The following ADGRL2 variants were observed in gnomAD, a reference collection of about 807,000 sequenced individuals.
The protein encoded by ADGRL2 is calcium-independent alpha-latrotoxin receptor 2.
In ADGRL2, 44 loss-of-function variants were observed where a neutral mutation model predicts 157.4. That is an observed-to-expected ratio of 0.28 (90% CI 0.22 to 0.36). The LOEUF is 0.36. Among genes scored for constraint, ADGRL2 ranks in the 10% least tolerant of loss-of-function variants. The probability of loss-of-function intolerance (pLI) is 1.00; values close to 1 mark genes in which losing one functional copy is unlikely to be tolerated. For missense variants in ADGRL2, 1,510 were observed against 1,768.9 expected, an observed-to-expected ratio of 0.85 and a Z score of 2.63; for synonymous variants, 585 against 624.7, an observed-to-expected ratio of 0.94 and a Z score of 0.95.
chr1:81,970,042 A>G (rs1201626881), intron 15 of ADGRL2, among the ~76,000 whole-genome samples: 1 of 152,106 alleles, frequency 6.6e-6, no homozygotes, highest in Non-Finnish European at 1.5e-5. Context: ...TTGATATTTA[A>G]TTTCACTAAA....
At chr1:81,889,836 C>T (rs2094215220) in intron 2 of ADGRL2, among the ~76,000 whole-genome samples, 1 of 152,124 alleles carries the variant, frequency 6.6e-6, no homozygotes, top group Non-Finnish European at 1.5e-5. Flanking sequence ...ATTCATTTAC[C>T]ATTTCAAAAA....
intron 2 of ADGRL2, among the ~76,000 whole-genome samples, chr1:81,480,576 A>T (rs1158978775): frequency 6.6e-6 from 1 of 152,240 alleles, no homozygotes; most frequent in Non-Finnish European, 1.5e-5. Context: ...AAATTATACA[A>T]GATATAGCTG....
intron 1 of ADGRL2, among the ~76,000 whole-genome samples, chr1:81,417,783 A>T (rs1216722069): frequency 1.3e-5 from 2 of 152,144 alleles, no homozygotes; most frequent in African/African-American, 4.8e-5. Flanking sequence ...AATCTTTTCT[A>T]ATTTGAATAT....
intron 2 of ADGRL2, among the ~76,000 whole-genome samples, chr1:81,863,057 C>T (rs528857528): frequency 6.8e-4 from 103 of 152,128 alleles, no homozygotes; most frequent in African/African-American, 2.5e-3. Flanking sequence ...TTTTTAAAGA[C>T]AAGGGTTTTT....
At chr1:81,538,806 A>T (rs1570432241) in intron 2 of ADGRL2, among the ~76,000 whole-genome samples, 1 of 152,088 alleles carries the variant, frequency 6.6e-6, no homozygotes, top group South Asian at 2.1e-4. Context: ...GGAGTTCAAG[A>T]CCAGCCTTGG....
intron 2 of ADGRL2, among the ~76,000 whole-genome samples, chr1:81,512,400 A>G (rs954745612): frequency 1.3e-5 from 2 of 152,222 alleles, no homozygotes; most frequent in Non-Finnish European, 2.9e-5. Context: ...CCCATATGGG[A>G]CTAAATTATC....
At position 81,952,032 on chromosome 1, in the gene ADGRL2, G is replaced by A; in HGVS notation, c.1684G>A (p.Asp562Asn). The A allele has an allele frequency of 6.2e-7, 1 of 1,613,758 alleles. No homozygotes were observed. The change falls in exon 9 of 24, where the codon GAT (aspartate) becomes AAT (asparagine). Residue 562 changes from aspartate to asparagine, a missense_variant. This residue lies in a region of ADGRL2 where 325 missense variants were observed against 333.2 expected (regional missense o/e 0.98). Transcript: ENST00000686636. ...TACCAAAGGGCCAGTGTTTGCTGGG[G>A]ATGTAAGTTCTTCAGTGAGATTGAT... ...KHTKGPVFAG[D>N]VSSSVRLMEQ...
chr1:81,594,436 C>T (rs2081192889), intron 3 of ADGRL2, among the ~76,000 whole-genome samples: 1 of 152,172 alleles, frequency 6.6e-6, no homozygotes, highest in South Asian at 2.1e-4. Context: ...GTCAAGTTGT[C>T]ATTCTGCTCC....
At chr1:81,485,420 T>A (rs2078479417) in intron 2 of ADGRL2, among the ~76,000 whole-genome samples, 1 of 152,100 alleles carries the variant, frequency 6.6e-6, no homozygotes, top group South Asian at 2.1e-4. Context: ...AAAAGTTTTC[T>A]GTCACATATT....
At chr1:81,906,872 G>C (rs2094594265) in intron 2 of ADGRL2, 145 bp from the exon 3 acceptor site, 1 of 654,246 alleles carries the variant, frequency 1.5e-6, no homozygotes, top group South Asian at 2.2e-5. Context: ...ATATTGTAGA[G>C]AACCAAAAAA....
rs1453776842 is a variant in ADGRL2, at chr1:81,733,287, T to C, written c.-142-28524T>C. On this transcript the variant is annotated intron_variant, in intron 1 of 20. Coordinates refer to the ADGRL2 transcript ENST00000359929. ...CATTAATTGTATGTGTCGTATTAGT[T>C]TGCTAGGGCTACCATAACAAAATAC... is the stretch of plus-strand genomic sequence containing the variant. Among the ~76,000 whole-genome samples, 3 of 152,208 alleles carry C rather than the reference T, an allele frequency of 2.0e-5. No individual in the cohort carries two copies. In the East Asian group the frequency reaches 5.8e-4, roughly 29 times the overall value.
chr1:81,406,928 T>A (rs1328680970), intron 1 of ADGRL2, among the ~76,000 whole-genome samples: 1 of 152,216 alleles, frequency 6.6e-6, no homozygotes, highest in African/African-American at 2.4e-5. Flanking sequence ...CCTTCTGGTT[T>A]GGATCATTGA....
intron 3 of ADGRL2, among the ~76,000 whole-genome samples, chr1:81,581,459 T>C (rs1165855228): frequency 6.6e-6 from 1 of 152,158 alleles, no homozygotes; most frequent in Non-Finnish European, 1.5e-5. Context: ...GAAAAGGTCA[T>C]TGGGACTTAA....
chr1:81,946,342 T>TG (rs1649831628), intron 6 of ADGRL2, among the ~76,000 whole-genome samples: 2 of 123,942 alleles, frequency 1.6e-5, no homozygotes, highest in Admixed American at 1.5e-4. Context: ...GCCTTAATCT[T>TG]TTTTTTTTTT....
At chr1:81,417,236 T>C (rs979309234) in intron 1 of ADGRL2, among the ~76,000 whole-genome samples, 2 of 152,162 alleles carry the variant, frequency 1.3e-5, no homozygotes, top group African/African-American at 4.8e-5. Flanking sequence ...ATGCTAAACA[T>C]GATTTCTTTA....
chr1:81,779,709 A>AATC (rs2086737822), intron 2 of ADGRL2, among the ~76,000 whole-genome samples: 1 of 152,182 alleles, frequency 6.6e-6, no homozygotes. Context: ...TGCTCATTAG[A>AATC]ATCATTTGTG....
intron 3 of ADGRL2, among the ~76,000 whole-genome samples, chr1:81,673,004 GGAAAGTGT>G (rs2082906760): frequency 6.6e-6 from 1 of 152,274 alleles, no homozygotes; most frequent in African/African-American, 2.4e-5. Context: ...CTAGCCTCAG[GGAAAGTGT>G]ACACTGGATT....
At chr1:81,895,972 G>T (rs1214156394) in intron 2 of ADGRL2, among the ~76,000 whole-genome samples, 1 of 152,070 alleles carries the variant, frequency 6.6e-6, no homozygotes, top group Non-Finnish European at 1.5e-5. Context: ...GCTCATTTCT[G>T]CATTTTTGCT....
intron 1 of ADGRL2, among the ~76,000 whole-genome samples, chr1:81,328,679 T>C (rs1661063267): frequency 6.6e-6 from 1 of 152,116 alleles, no homozygotes; most frequent in Admixed American, 6.6e-5. Flanking sequence ...GTAGAGAACG[T>C]TCAGATACTT....
Sources: allele counts gnomAD v4.1 joint callset (sites outside exome capture counted in the v4.1 genomes callset), GRCh38; gene constraint gnomAD v4.1.1; regional missense constraint gnomAD v4.1.1; transcripts MANE v1.5; gene names NCBI Gene and HGNC (gene_info 2026-07-23, HGNC 2026-07-21).